Variants in DIP2C observed in about 807,000 individuals in gnomAD.
The protein encoded by DIP2C is disco-interacting protein 2 homolog C.
A neutral mutation model predicts 192.4 loss-of-function variants in DIP2C; 33 were observed. The observed-to-expected ratio is 0.17, with a 90% CI of 0.13 to 0.23. DIP2C has a LOEUF of 0.23. Among genes scored for constraint, DIP2C ranks in the 10% least tolerant of loss-of-function variants. The pLI, the probability that DIP2C is intolerant of heterozygous loss-of-function variation, is 1.00. For missense variants in DIP2C, 1,537 were observed against 2,110.1 expected, an observed-to-expected ratio of 0.73 and a Z score of 5.32; for synonymous variants, 979 against 864.1, an observed-to-expected ratio of 1.13 and a Z score of -2.33.
chr10:451,956 T>TA (rs1968885114), intron 3 of DIP2C, among the ~76,000 whole-genome samples: 2 of 152,156 alleles, frequency 1.3e-5, no homozygotes, highest in Non-Finnish European at 2.9e-5. Flanking sequence ...AACAGAAGAA[T>TA]ACTTCTGCCC....
Position 314,023 on chromosome 10 carries a change from G to A in DIP2C, c.3925-3931C>T, listed in dbSNP as rs1172901916. On this transcript the variant is annotated intron_variant, in intron 31 of 36. Transcript: ENST00000280886. ...TCCAAAGACCTGATACTGGGCTTATGTAGTACACTAGGTAAGTCTGAGAAG... is the reference window on the plus strand; with the variant it reads ...TCCAAAGACCTGATACTGGGCTTATATAGTACACTAGGTAAGTCTGAGAAG... Among the ~76,000 whole-genome samples the A allele has an allele frequency of 2.0e-5, 3 of 152,238 alleles. No individual in the cohort carries two copies. The East Asian group carries it at 5.8e-4, about 29-fold the overall frequency.
At chr10:608,129 CA>C (rs1474364268) in intron 1 of DIP2C, among the ~76,000 whole-genome samples, 7 of 116,974 alleles carry the variant, frequency 6.0e-5, no homozygotes, top group African/African-American at 3.4e-4. Flanking sequence ...CACACAGCCC[CA>C]ACACACACAC....
chr10:379,629 G>A (rs910827142), intron 17 of DIP2C, among the ~76,000 whole-genome samples: 1 of 152,186 alleles, frequency 6.6e-6, no homozygotes, highest in Non-Finnish European at 1.5e-5. Flanking sequence ...CTTTTTTGCA[G>A]AAGAGAATCA....
rs1168987681 is a variant in DIP2C at position 357,721 on chromosome 10, C to T, written c.2904+107G>A. The T allele has an allele frequency of 2.8e-5, 23 of 807,978 alleles. No homozygotes were observed. In the East Asian group the frequency reaches 5.8e-4, roughly 20 times the overall value. 50.1% of individuals were successfully genotyped at this position (807,978 alleles called of 1,614,324 possible). A position where few individuals can be genotyped will look rare whatever the true frequency, so the allele number is the denominator to read the frequency against. ...ACAGTCAGACACTGTCGCGGACTGT[C>T]AGGGAAGGTAGGGGACAGTCGGGTA... On this transcript the variant is annotated intron_variant, in intron 23 of 36. Coordinates refer to ENST00000280886, the MANE Select transcript of DIP2C (RefSeq NM_014974.3).
chr10:545,817 T>TA (rs1161730557), intron 1 of DIP2C, among the ~76,000 whole-genome samples: 5 of 152,172 alleles, frequency 3.3e-5, no homozygotes, highest in Non-Finnish European at 7.4e-5. Context: ...CCAGCACCAC[T>TA]AAGTTGCGAA....
intron 1 of DIP2C, among the ~76,000 whole-genome samples, chr10:654,630 T>C (rs946612723): frequency 1.3e-5 from 2 of 152,146 alleles, no homozygotes; most frequent in African/African-American, 4.8e-5. Context: ...GACCATCAAA[T>C]GATCCCCAGG....
chr10:499,665 C>G (rs929758508), intron 1 of DIP2C, among the ~76,000 whole-genome samples: 1 of 152,142 alleles, frequency 6.6e-6, no homozygotes, highest in Non-Finnish European at 1.5e-5. Flanking sequence ...CTCCCAATCG[C>G]GAGGACAGCA....
intron 1 of DIP2C, among the ~76,000 whole-genome samples, chr10:486,802 C>G (rs951848377): frequency 1.3e-5 from 2 of 152,198 alleles, no homozygotes; most frequent in African/African-American, 2.4e-5. Flanking sequence ...GGGTTAGACC[C>G]CTGCCATCTC....
At chr10:676,533 C>T (rs1052216346) in intron 1 of DIP2C, among the ~76,000 whole-genome samples, 2 of 151,418 alleles carry the variant, frequency 1.3e-5, no homozygotes, top group Non-Finnish European at 2.9e-5. Context: ...GCAAAAATCT[C>T]TTTGAACTGA....
intron 9 of DIP2C, among the ~76,000 whole-genome samples, chr10:405,582 T>C (rs1390244060): frequency 6.6e-6 from 1 of 152,178 alleles, no homozygotes; most frequent in Non-Finnish European, 1.5e-5. Context: ...TTTGAATCAG[T>C]CACAAATCCT....
chr10:672,605 C>T (rs1046438671), intron 1 of DIP2C, among the ~76,000 whole-genome samples: 2 of 152,254 alleles, frequency 1.3e-5, no homozygotes, highest in African/African-American at 2.4e-5. Context: ...CATAAAAGAA[C>T]TAAAGATTGG....
At chr10:556,190 GCACC>G (rs1220104300) in intron 1 of DIP2C, among the ~76,000 whole-genome samples, 18 of 92,756 alleles carry the variant, frequency 1.9e-4, no homozygotes, top group Non-Finnish European at 2.6e-4. Context: ...TCCCAGGACA[GCACC>G]CACCCACCCC....
intron 1 of DIP2C, among the ~76,000 whole-genome samples, chr10:549,122 C>T (rs1588440651): frequency 6.6e-6 from 1 of 152,018 alleles, no homozygotes; most frequent in Admixed American, 6.5e-5. Context: ...TCAAGGAATC[C>T]CTACAAATAG....
chr10:595,880 G>A (rs549951747), intron 1 of DIP2C, among the ~76,000 whole-genome samples: 8 of 152,336 alleles, frequency 5.3e-5, no homozygotes, highest in South Asian at 4.1e-4. Flanking sequence ...GACAGCCATC[G>A]TTCTTGATAA....
intron 1 of DIP2C, among the ~76,000 whole-genome samples, chr10:496,717 A>G (rs1156243210): frequency 1.3e-5 from 2 of 150,908 alleles, no homozygotes; most frequent in African/African-American, 4.9e-5. Flanking sequence ...GTGAGTGCTG[A>G]GTGCATAGAA....
In DIP2C at chr10:310,096, C is replaced by T. The variant is rs1165932811; in HGVS notation, c.3925-4G>A. On this transcript the variant is annotated splice_region_variant and splice_polypyrimidine_tract_variant and intron_variant, in intron 31 of 36. Transcript: ENST00000280886. ...TTGGGTCAGGTCCTGAGGTTCCCTG[C>T]AAGCAACAACAGAGTGGTTAACTCA... 1 of 1,614,128 alleles carries T rather than the reference C, an allele frequency of 6.2e-7. No homozygotes were observed. The highest frequency in any genetic ancestry group is 2.2e-5 in the East Asian group (1 of 44,884).
rs1448787494 is a variant in DIP2C at position 274,663 on chromosome 10, T to C, written c.*2662A>G. On this transcript the variant is annotated 3_prime_UTR_variant, in exon 37 of 37. Coordinates refer to ENST00000280886, the MANE Select transcript of DIP2C (RefSeq NM_014974.3). The stretch of plus-strand genomic sequence containing the variant: ...ACACTCTGAAATAACGCTGCTAACA[T>C]TCAACTGATAAAAGGGACCATCTCC... 6.6e-6 allele frequency: 1 copy of C among 152,134 alleles called. No homozygotes were observed. Among genetic ancestry groups the C allele is most frequent in the Non-Finnish European group, 1.5e-5 (1 of 68,014 alleles). The allele number at this position is 152,134 out of a possible 1,614,324, so 9.4% of individuals were successfully genotyped here.
At chr10:561,615 T>TCCAA (rs1849223174) in intron 1 of DIP2C, among the ~76,000 whole-genome samples, 1 of 150,156 alleles carries the variant, frequency 6.7e-6, no homozygotes, top group African/African-American at 2.5e-5. Flanking sequence ...ACGCACTGTC[T>TCCAA]CCAAGGCCCT....
At position 341,184 on chromosome 10, in the gene DIP2C, A is replaced by G; in HGVS notation, c.3584+15T>C. On this transcript the variant is annotated intron_variant, in intron 29 of 36. Transcript: ENST00000280886. ...ATGATTTTTTTTAATGTAAAGATAT[A>G]GAGAGGCATCTTACCTGCAGAGGCA... 6.2e-7 allele frequency: 1 copy of G among 1,614,034 alleles called. No individual in the cohort carries two copies. Among genetic ancestry groups the G allele is most frequent in the Non-Finnish European group, 8.5e-7 (1 of 1,180,002 alleles).
Sources: allele counts gnomAD v4.1 joint callset (sites outside exome capture counted in the v4.1 genomes callset), GRCh38; gene constraint gnomAD v4.1.1; transcripts MANE v1.5; gene names NCBI Gene and HGNC (gene_info 2026-07-23, HGNC 2026-07-21).